Variants in FHIT observed in about 807,000 individuals in gnomAD.
FHIT encodes the protein bis(5'-adenosyl)-triphosphatase.
FHIT carries 19 observed loss-of-function variants against 17.9 expected under a neutral mutation model. That is an observed-to-expected ratio of 1.06 (90% CI 0.74 to 1.56). The LOEUF (loss-of-function observed/expected upper bound fraction) is 1.56. Among genes scored for constraint, FHIT ranks in the 40% most tolerant of loss-of-function variants. FHIT has a pLI of 0.00. For synonymous variants in FHIT, 81 were observed against 69.7 expected (o/e 1.16, Z -0.81); for missense variants, 248 against 189.2 (o/e 1.31, Z -1.82).
chr3:60,792,238 C>A (rs573265745), intron 4 of FHIT, among the ~76,000 whole-genome samples: 1 of 152,292 alleles, frequency 6.6e-6, no homozygotes. Context: ...GAAAACACTC[C>A]GCTATTGATG....
intron 4 of FHIT, among the ~76,000 whole-genome samples, chr3:60,768,379 T>C (rs1553722083): frequency 6.6e-6 from 1 of 152,136 alleles, no homozygotes; most frequent in African/African-American, 2.4e-5. Flanking sequence ...AGGTCCCCAC[T>C]GTGGAGAAGG....
chr3:61,242,495 C>T lies in FHIT; in HGVS notation c.-213+8806G>A, dbSNP rs185269976. ...CATTTTTTCACAGTTTATCCCCCTA[C>T]CCCAGAAGCCCAAATCCCCTTGTCC... On this transcript the variant is annotated intron_variant, in intron 1 of 9. Transcript: ENST00000492590. Among the ~76,000 whole-genome samples the T allele has an allele frequency of 3.5e-3, 531 of 152,320 alleles. 3 individuals are homozygous for T. Among genetic ancestry groups the T allele is most frequent in the Non-Finnish European group, 4.5e-3 (309 of 68,032 alleles).
At chr3:60,100,846 A>T (rs1466564316) in intron 5 of FHIT, among the ~76,000 whole-genome samples, 1 of 152,172 alleles carries the variant, frequency 6.6e-6, no homozygotes, top group African/African-American at 2.4e-5. Flanking sequence ...TCCTTGTTTC[A>T]TTTAATTTTG....
intron 4 of FHIT, among the ~76,000 whole-genome samples, chr3:60,801,665 C>T (rs1265110827): frequency 6.6e-6 from 1 of 152,198 alleles, no homozygotes; most frequent in Non-Finnish European, 1.5e-5. Flanking sequence ...ACTTATTAAT[C>T]TTATGACAGT....
intron 2 of FHIT, among the ~76,000 whole-genome samples, chr3:61,067,477 T>C (rs763176222): frequency 3.9e-5 from 6 of 151,952 alleles, no homozygotes; most frequent in Non-Finnish European, 8.8e-5. Flanking sequence ...GTATAAAGTA[T>C]TGCCAACCCA....
intron 5 of FHIT, among the ~76,000 whole-genome samples, chr3:60,383,954 T>C (rs1700905903): frequency 6.6e-6 from 1 of 152,152 alleles, no homozygotes. Flanking sequence ...GGAAAATGTT[T>C]ATGTCAAAAA....
At chr3:60,199,014 T>C (rs907326795) in intron 5 of FHIT, among the ~76,000 whole-genome samples, 6 of 152,184 alleles carry the variant, frequency 3.9e-5, no homozygotes, top group Non-Finnish European at 5.9e-5. Context: ...GGTTAAGGCA[T>C]TGTTTTCTAA....
chr3:60,858,955 C>T (rs561141502), intron 3 of FHIT, among the ~76,000 whole-genome samples: 1 of 152,254 alleles, frequency 6.6e-6, no homozygotes, highest in South Asian at 2.1e-4. Context: ...TTCATCTCTC[C>T]CTGTCTATTC....
rs191081246 is a variant in FHIT at position 61,210,635 on chromosome 3, G to C, written c.-212-9970C>G. On this transcript the variant is annotated intron_variant, in intron 1 of 9. Transcript: ENST00000492590. ...GCGGTATATAATCTCCTGGTGTGCC[G>C]TTTGTTAATCCTGCTGGAAAAGTGC... 2.6e-5 allele frequency among the ~76,000 whole-genome samples: 4 copies of C among 152,336 alleles called. No individual in the cohort carries two copies. In the East Asian group the frequency reaches 7.8e-4, roughly 30 times the overall value.
At chr3:60,568,194 C>G (rs1164841878) in intron 4 of FHIT, among the ~76,000 whole-genome samples, 1 of 152,108 alleles carries the variant, frequency 6.6e-6, no homozygotes, top group Non-Finnish European at 1.5e-5. Flanking sequence ...ATAGCAAAGA[C>G]TTGGAACTGA....
intron 5 of FHIT, among the ~76,000 whole-genome samples, chr3:60,054,594 T>C (rs900819457): frequency 3.9e-5 from 6 of 152,158 alleles, no homozygotes; most frequent in African/African-American, 1.4e-4. Context: ...AGCGCATTAT[T>C]TTCCCTATAG....
chr3:59,849,080 A>T (rs1171990748), intron 8 of FHIT, among the ~76,000 whole-genome samples: 6 of 152,202 alleles, frequency 3.9e-5, no homozygotes, highest in African/African-American at 7.2e-5. Flanking sequence ...GTTAAGAAAT[A>T]AGATTCTCGG....
intron 5 of FHIT, among the ~76,000 whole-genome samples, chr3:60,465,919 G>A (rs548416008): frequency 1.3e-5 from 2 of 152,138 alleles, no homozygotes; most frequent in Admixed American, 1.3e-4. Context: ...CTATTTTCAT[G>A]AAGAATGTCA....
intron 4 of FHIT, among the ~76,000 whole-genome samples, chr3:60,781,582 A>T (rs1166537437): frequency 6.6e-6 from 1 of 152,196 alleles, no homozygotes; most frequent in Non-Finnish European, 1.5e-5. Flanking sequence ...ATACATTTAT[A>T]GTCACTTGAC....
intron 4 of FHIT, among the ~76,000 whole-genome samples, chr3:60,667,257 G>A (rs1184792711): frequency 6.6e-6 from 1 of 151,732 alleles, no homozygotes; most frequent in East Asian, 1.9e-4. Flanking sequence ...ATTTGTCATT[G>A]TCTCACAGAT....
chr3:60,595,257 G>T (rs2038225668), intron 4 of FHIT, among the ~76,000 whole-genome samples: 1 of 152,048 alleles, frequency 6.6e-6, no homozygotes, highest in African/African-American at 2.4e-5. Context: ...CAGAGTGGCA[G>T]GCATCAAGAA....
At chr3:60,524,926 T>C (rs1016818505) in intron 5 of FHIT, among the ~76,000 whole-genome samples, 5 of 152,216 alleles carry the variant, frequency 3.3e-5, no homozygotes, top group African/African-American at 9.6e-5. Context: ...GATTGAGATA[T>C]GGACATCTCT....
rs554107056 is a variant in FHIT, at chr3:60,828,778, T to C, written c.-110-6767A>G. Among the ~76,000 whole-genome samples the C allele has an allele frequency of 2.0e-5, 3 of 152,266 alleles. No homozygotes were observed. The East Asian group carries it at 5.8e-4, about 29-fold the overall frequency. The stretch of plus-strand genomic sequence containing the variant: ...CTGTAATCCCAGCCACTTGGGAGAC[T>C]GAGGCAGGAGATTCAGTTCAACCCG... On this transcript the variant is annotated intron_variant, in intron 3 of 9. Transcript: ENST00000492590.
At position 59,749,175 on chromosome 3, in the gene FHIT, TAG is replaced by T. The variant is rs1700745971; in HGVS notation, c.*408_*409del. The T allele has an allele frequency of 1.7e-5, 4 of 229,530 alleles. No homozygotes were observed. Among genetic ancestry groups the T allele is most frequent in the African/African-American group, 8.9e-5 (4 of 45,160 alleles). The allele number at this position is 229,530 out of a possible 1,614,324, so 14.2% of individuals were successfully genotyped here. ...ACTTAATGTATAAAAATTCAATATG[TAG>T]ACATTTTTTTTGAAAAGGGAAGAAA... On this transcript the variant is annotated 3_prime_UTR_variant, in exon 10 of 10. Coordinates refer to ENST00000492590, the MANE Select transcript of FHIT (RefSeq NM_002012.4).
Sources: gnomAD v4.1 joint callset for allele counts (sites outside exome capture counted in the v4.1 genomes callset) on GRCh38, gnomAD v4.1.1 for gene constraint, MANE v1.5 for transcripts, NCBI Gene and HGNC (gene_info 2026-07-23, HGNC 2026-07-21) for gene names.